The following XAGE3 variants were observed in gnomAD, a reference collection of about 807,000 sequenced individuals.
The protein encoded by XAGE3 is CT12.3.
A neutral mutation model predicts 9.2 loss-of-function variants in XAGE3; 6 were observed. The ratio of observed to expected loss-of-function variants is 0.65; its 90% confidence interval spans 0.36 to 1.29. The LOEUF (loss-of-function observed/expected upper bound fraction) is 1.29. Among genes scored for constraint, XAGE3 ranks in the 50% most tolerant of loss-of-function variants. XAGE3 has a pLI of 0.03. For synonymous variants in XAGE3, 26 were observed against 28.2 expected, an observed-to-expected ratio of 0.92 and a Z score of 0.25; for missense variants, 70 against 82.8, an observed-to-expected ratio of 0.85 and a Z score of 0.60.
intron 4 of XAGE3, among the ~76,000 whole-genome samples, chrX:52,864,293 G>A (rs782360673): frequency 8.9e-6 from 1 of 112,358 alleles, no homozygotes; most frequent in South Asian, 3.7e-4. Context: ...AACAGAACAT[G>A]AGGATACAGA....
intron 1 of XAGE3, among the ~76,000 whole-genome samples, chrX:52,867,722 C>T (rs1202525500): frequency 9.0e-6 from 1 of 110,854 alleles, no homozygotes; most frequent in Non-Finnish European, 1.9e-5. Flanking sequence ...AATCCGTCCT[C>T]GGTCGAGGGT....
rs5902508 is a variant in XAGE3, at chrX:52,866,550, G to GGTGTGT, written c.82-18_82-13dup. On this transcript the variant is annotated splice_polypyrimidine_tract_variant and intron_variant, in intron 2 of 4. Transcript: ENST00000346279. ...TCATCACCGGGCTCCTGGAACCAGG[G>GGTGTGT]GTGTGTGTGTGTGTGTGTGTGTGTG... The GGTGTGT allele has an allele frequency of 1.1e-5, 13 of 1,146,852 alleles. No homozygotes were observed. The highest frequency in any genetic ancestry group is 2.5e-4 in the Middle Eastern group (1 of 4,002). 94.5% of individuals were successfully genotyped at this position (1,146,852 alleles called of 1,213,427 possible).
At chrX:52,864,392 C>T (rs1482896459) in intron 4 of XAGE3, among the ~76,000 whole-genome samples, 1 of 112,532 alleles carries the variant, frequency 8.9e-6, no homozygotes, top group Non-Finnish European at 1.9e-5. Flanking sequence ...TTATGGAATT[C>T]ATCCAGAATC....
At chrX:52,863,912 G>A (rs782578274) in intron 4 of XAGE3, among the ~76,000 whole-genome samples, 88 of 110,078 alleles carry the variant, frequency 8.0e-4, no homozygotes, top group African/African-American at 2.4e-3. Context: ...TTCCTTTCTC[G>A]TGTAATTTTC....
intron 3 of XAGE3, among the ~76,000 whole-genome samples, chrX:52,865,405 G>T (rs368440654): frequency 1.8e-5 from 2 of 110,542 alleles, no homozygotes; most frequent in Non-Finnish European, 3.8e-5. Context: ...CAGCAAAATC[G>T]CTGTCTTCCA....
chrX:52,867,300 T>C (rs1338667001), intron 1 of XAGE3, 159 bp from the exon 2 acceptor site: 9 of 451,122 alleles, frequency 2.0e-5, no homozygotes, highest in Non-Finnish European at 3.0e-5. Context: ...TTCTGAATGC[T>C]TGGGAAGCCA....
At chrX:52,863,104 T>A (rs1439662156) in intron 4 of XAGE3, among the ~76,000 whole-genome samples, 1 of 112,392 alleles carries the variant, frequency 8.9e-6, no homozygotes. Context: ...TTATGTCACA[T>A]TAGGGACTGC....
chrX:52,866,583 A>G, intron 2 of XAGE3, 45 bp from the exon 3 acceptor site: 1 of 1,088,032 alleles, frequency 9.2e-7, no homozygotes. Flanking sequence ...GTGCAGATAA[A>G]AAGTTTTGTT....
At position 52,864,758 on chromosome X, in the gene XAGE3, A is replaced by G. The variant is rs782001934; in HGVS notation, c.313+17T>C. ...ATATTGTGGAAAACAGAAAGCACAT[A>G]ATAATGGATAGCATACCTCCTTCTG... On this transcript the variant is annotated intron_variant, in intron 4 of 4. Transcript: ENST00000346279. 1.7e-6 allele frequency: 2 copies of G among 1,207,789 alleles called. No homozygotes were observed. Among genetic ancestry groups the G allele is most frequent in the Non-Finnish European group, 2.2e-6 (2 of 893,476 alleles).
intron 4 of XAGE3, among the ~76,000 whole-genome samples, chrX:52,863,206 C>T (rs1927798642): frequency 8.9e-6 from 1 of 112,000 alleles, no homozygotes; most frequent in Non-Finnish European, 1.9e-5. Flanking sequence ...GTTCATCCTT[C>T]TGTGGTCTTT....
At chrX:52,863,620 G>A (rs1456997822) in intron 4 of XAGE3, among the ~76,000 whole-genome samples, 2 of 111,597 alleles carry the variant, frequency 1.8e-5, no homozygotes, top group Non-Finnish European at 3.8e-5. Flanking sequence ...TTCATACTTC[G>A]AAAATACTAG....
At chrX:52,867,307 G>T in intron 1 of XAGE3, 166 bp from the exon 2 acceptor site, 1 of 437,545 alleles carries the variant, frequency 2.3e-6, no homozygotes, top group Non-Finnish European at 3.9e-6. Flanking sequence ...TGCTTGGGAA[G>T]CCATTAAGTT....
chrX:52,867,582 C>T (rs1221802956), intron 1 of XAGE3, among the ~76,000 whole-genome samples: 1 of 110,804 alleles, frequency 9.0e-6, no homozygotes, highest in African/African-American at 3.3e-5. Context: ...CAGCTCTGGG[C>T]CCTCCTCACT....
chrX:52,863,406 A>G lies in XAGE3; in HGVS notation c.314-766T>C, dbSNP rs1252680685. On this transcript the variant is annotated intron_variant, in intron 4 of 4. Coordinates refer to ENST00000346279, the MANE Select transcript of XAGE3 (RefSeq NM_133179.3). ...GCATATATCATGAATAGTCGGGCAA[A>G]AAAAGAAATGGAGGGAGAGGAAAAT... is the stretch of plus-strand genomic sequence containing the variant. 2.7e-5 allele frequency among the ~76,000 whole-genome samples: 3 copies of G among 112,202 alleles called. No homozygotes were observed. In the East Asian group the frequency reaches 8.3e-4, roughly 31 times the overall value.
In XAGE3 at chrX:52,866,430, C is replaced by A. The variant is rs1443198620; in HGVS notation, c.187+3G>T. ...AGACATTCTTTCTTTCCCTTCCCAG[C>A]ACCTTGAGTCTCAGCTGCACCCTGA... On this transcript the variant is annotated splice_donor_region_variant and intron_variant, in intron 3 of 4. Transcript: ENST00000346279. The A allele has an allele frequency of 2.5e-6, 3 of 1,207,150 alleles. No homozygotes were observed. The African/African-American group carries it at 5.3e-5, about 21-fold the overall frequency.
intron 4 of XAGE3, 44 bp downstream of exon 4, chrX:52,864,731 T>C: frequency 1.7e-6 from 2 of 1,192,728 alleles, no homozygotes; most frequent in Non-Finnish European, 2.3e-6. Context: ...ATCAAAAGTA[T>C]AATATTGTGG....
intron 4 of XAGE3, 79 bp from the exon 5 acceptor site, chrX:52,862,719 C>T: frequency 8.6e-7 from 1 of 1,164,574 alleles, no homozygotes. Context: ...CAAAGGACAC[C>T]AAAGTTTTGG....
At chrX:52,862,756 C>G in intron 4 of XAGE3, 116 bp from the exon 5 acceptor site, 1 of 933,492 alleles carries the variant, frequency 1.1e-6, no homozygotes, top group Non-Finnish European at 1.5e-6. Flanking sequence ...AAACCAGAAG[C>G]CTAAGAGTAA....
chrX:52,863,255 A>G (rs1280338897), intron 4 of XAGE3, among the ~76,000 whole-genome samples: 1 of 112,315 alleles, frequency 8.9e-6, no homozygotes, highest in East Asian at 2.8e-4. Context: ...TTCACCTATC[A>G]TCCTGATGTC....
Sources: gnomAD v4.1 joint callset for allele counts (sites outside exome capture counted in the v4.1 genomes callset) on GRCh38, gnomAD v4.1.1 for gene constraint, MANE v1.5 for transcripts, NCBI Gene and HGNC (gene_info 2026-07-23, HGNC 2026-07-21) for gene names.